Variants in GYPC observed in about 807,000 individuals in gnomAD.
GYPC encodes the protein glycophorin-C.
Under a neutral mutation model 12.6 loss-of-function variants are expected in GYPC, and 14 were observed. The ratio of observed to expected loss-of-function variants is 1.11; its 90% confidence interval spans 0.74 to 1.74. The LOEUF (loss-of-function observed/expected upper bound fraction) is 1.74, where lower values mean the gene tolerates loss of function less well. GYPC is among the 40% of genes most tolerant of loss of function. GYPC has a pLI of 0.00. For synonymous variants in GYPC, 78 were observed against 62.1 expected, an observed-to-expected ratio of 1.26 and a Z score of -1.20; for missense variants, 225 against 172.1, an observed-to-expected ratio of 1.31 and a Z score of -1.72.
intron 1 of GYPC, among the ~76,000 whole-genome samples, chr2:126,661,424 T>G (rs1339898985): frequency 1.3e-5 from 2 of 152,080 alleles, no homozygotes; most frequent in Non-Finnish European, 2.9e-5. Context: ...TGCTTATGCA[T>G]GTGAAAGCCA....
chr2:126,693,301 C>T (rs1181512112), intron 2 of GYPC, among the ~76,000 whole-genome samples: 2 of 152,266 alleles, frequency 1.3e-5, no homozygotes, highest in Admixed American at 6.5e-5. Context: ...GGTCTCTTTG[C>T]GAATGTCAGA....
intron 2 of GYPC, among the ~76,000 whole-genome samples, chr2:126,693,611 T>C (rs542005053): frequency 6.6e-6 from 1 of 152,294 alleles, no homozygotes. Flanking sequence ...ATTAGGCAGA[T>C]AACTCAAATG....
intron 1 of GYPC, among the ~76,000 whole-genome samples, chr2:126,659,801 A>T (rs1682482295): frequency 2.3e-5 from 3 of 128,214 alleles, no homozygotes; most frequent in Admixed American, 8.6e-5. Flanking sequence ...TTTTTTTGAG[A>T]CAGAGTCTCG....
chr2:126,675,433 C>T (rs1450038242), intron 1 of GYPC, among the ~76,000 whole-genome samples: 1 of 152,168 alleles, frequency 6.6e-6, no homozygotes, highest in Non-Finnish European at 1.5e-5. Context: ...CTTCTACTCA[C>T]ACTCCTGCTT....
At chr2:126,692,769 G>A (rs1037303210) in intron 2 of GYPC, among the ~76,000 whole-genome samples, 1 of 152,176 alleles carries the variant, frequency 6.6e-6, no homozygotes, top group Admixed American at 6.5e-5. Flanking sequence ...CAGAGTCAAT[G>A]TAAAGACCTA....
intron 1 of GYPC, among the ~76,000 whole-genome samples, chr2:126,684,433 G>C (rs1171933864): frequency 6.6e-6 from 1 of 152,052 alleles, no homozygotes; most frequent in Admixed American, 6.6e-5. Context: ...GAGGCTTACT[G>C]ACCACTCTAT....
chr2:126,685,694 CTT>C, intron 1 of GYPC: 2 of 797,082 alleles, frequency 2.5e-6, no homozygotes, highest in Non-Finnish European at 3.0e-6. Context: ...GGTAAATTGA[CTT>C]TTCTAACCAG....
chr2:126,681,812 G>A (rs1284569254), intron 1 of GYPC, among the ~76,000 whole-genome samples: 1 of 150,740 alleles, frequency 6.6e-6, no homozygotes, highest in Non-Finnish European at 1.5e-5. Context: ...AGAAAGAAAA[G>A]AAAAGAAAGA....
At chr2:126,688,195 T>C (rs1229546890) in intron 1 of GYPC, among the ~76,000 whole-genome samples, 1 of 152,220 alleles carries the variant, frequency 6.6e-6, no homozygotes, top group Non-Finnish European at 1.5e-5. Context: ...AACAGTCCCT[T>C]CTAACCCTGA....
intron 1 of GYPC, among the ~76,000 whole-genome samples, chr2:126,669,181 T>C (rs953860754): frequency 6.6e-6 from 1 of 152,178 alleles, no homozygotes; most frequent in East Asian, 1.9e-4. Flanking sequence ...GCTCTAACTC[T>C]GGAGAATGAA....
At chr2:126,667,394 CT>C (rs951519605) in intron 1 of GYPC, among the ~76,000 whole-genome samples, 33 of 146,952 alleles carry the variant, frequency 2.2e-4, no homozygotes, top group African/African-American at 6.8e-4. Context: ...ATCTGGATAT[CT>C]TTTTTTTTTC....
At chr2:126,692,181 A>C (rs80198249) in intron 2 of GYPC, among the ~76,000 whole-genome samples, 2,313 of 152,120 alleles carry the variant, frequency 0.015, 81 homozygotes, top group African/African-American at 0.053. Context: ...GCTGGATCCT[A>C]TACCCTGCCT....
chr2:126,690,590 T>C (rs1331579735), intron 2 of GYPC, among the ~76,000 whole-genome samples: 1 of 152,210 alleles, frequency 6.6e-6, no homozygotes, highest in Non-Finnish European at 1.5e-5. Context: ...TTCTCAGGGC[T>C]GTTGACTCAC....
chr2:126,689,361 C>T (rs730664), intron 1 of GYPC, among the ~76,000 whole-genome samples: 46,982 of 151,964 alleles, frequency 0.31, 7,409 homozygotes, highest in Middle Eastern at 0.4. Context: ...CACCAGGCAC[C>T]TCATAGGATG....
rs900782512 is a variant in GYPC, at chr2:126,663,419, G to A, written c.49+7107G>A. ...GCAGGCCCTGCTCTTGGCCACGCACGCCAGCTGTGTGATGGGGAGCAAGCC... is the reference window on the plus strand; with the variant it reads ...GCAGGCCCTGCTCTTGGCCACGCACACCAGCTGTGTGATGGGGAGCAAGCC... On this transcript the variant is annotated intron_variant, in intron 1 of 3. Transcript: ENST00000259254. Among the ~76,000 whole-genome samples the A allele has an allele frequency of 6.6e-5, 10 of 152,308 alleles. No homozygotes were observed. The East Asian group carries it at 1.5e-3, about 23-fold the overall frequency.
intron 3 of GYPC, among the ~76,000 whole-genome samples, chr2:126,695,009 C>T (rs1683598402): frequency 6.6e-6 from 1 of 152,172 alleles, no homozygotes; most frequent in Admixed American, 6.5e-5. Flanking sequence ...GCATCCTCTG[C>T]ATTACCCTCT....
At chr2:126,691,183 C>T (rs1463785410) in intron 2 of GYPC, among the ~76,000 whole-genome samples, 3 of 151,104 alleles carry the variant, frequency 2.0e-5, no homozygotes, top group Non-Finnish European at 4.4e-5. Context: ...CAGTCCCTCC[C>T]CAAGGCCTCC....
chr2:126,661,049 C>T (rs1372520233), intron 1 of GYPC, among the ~76,000 whole-genome samples: 1 of 152,218 alleles, frequency 6.6e-6, no homozygotes, highest in Non-Finnish European at 1.5e-5. Context: ...TCTTCCAGAA[C>T]AATGTTCCTA....
At chr2:126,694,356 T>C (rs28387221) in intron 3 of GYPC, among the ~76,000 whole-genome samples, 2,283 of 152,220 alleles carry the variant, frequency 0.015, 58 homozygotes, top group African/African-American at 0.052. Flanking sequence ...CAAGGAAACT[T>C]GATCCTGCCT....
Sources: allele counts gnomAD v4.1 joint callset (sites outside exome capture counted in the v4.1 genomes callset), GRCh38; gene constraint gnomAD v4.1.1; transcripts MANE v1.5; gene names NCBI Gene and HGNC (gene_info 2026-07-23, HGNC 2026-07-21).